Variants in SSBP3 observed in about 807,000 individuals in gnomAD.
SSBP3 encodes the protein single stranded DNA binding protein 3.
A neutral mutation model predicts 69.6 loss-of-function variants in SSBP3; 5 were observed. The observed-to-expected ratio is 0.07, with a 90% CI of 0.04 to 0.15. The LOEUF (loss-of-function observed/expected upper bound fraction) is 0.15, where lower values mean the gene tolerates loss of function less well. SSBP3 is among the 10% of genes least tolerant of loss of function. The probability of loss-of-function intolerance (pLI) is 1.00; values close to 1 mark genes in which losing one functional copy is unlikely to be tolerated. For missense variants in SSBP3, 312 were observed against 534.0 expected (o/e 0.58, Z 4.10); for synonymous variants, 196 against 193.4 (o/e 1.01, Z -0.11).
chr1:54,252,903 T>A lies in SSBP3; in HGVS notation c.508-1043A>T, dbSNP rs570036900. Among the ~76,000 whole-genome samples the A allele has an allele frequency of 1.6e-4, 24 of 152,330 alleles. No homozygotes were observed. In the South Asian group the frequency reaches 5.0e-3, roughly 32 times the overall value. ...CAGTGCTGATCAAAGGCTGGGCATCTGTGACAGGGGTCTGTCCTCAAGGGC... is the reference window on the plus strand; with the variant it reads ...CAGTGCTGATCAAAGGCTGGGCATCAGTGACAGGGGTCTGTCCTCAAGGGC... On this transcript the variant is annotated intron_variant, in intron 7 of 17. Coordinates refer to ENST00000610401, the Ensembl canonical transcript of SSBP3.
chr1:54,409,301 CCTT>C (rs1476138798), upstream of SSBP3, among the ~76,000 whole-genome samples: 1 of 152,138 alleles, frequency 6.6e-6, no homozygotes, highest in Non-Finnish European at 1.5e-5. Flanking sequence ...TGAAACCTGT[CCTT>C]CTGTCCCTCC....
chr1:54,404,050 G>A (rs1282196837), intron 3 of SSBP3, among the ~76,000 whole-genome samples: 1 of 152,036 alleles, frequency 6.6e-6, no homozygotes, highest in African/African-American at 2.4e-5. Context: ...CAGAGGAAAG[G>A]AAGGACCAGT....
chr1:54,233,889 C>T (rs1344250885), intron 14 of SSBP3, among the ~76,000 whole-genome samples: 3 of 152,164 alleles, frequency 2.0e-5, no homozygotes, highest in Non-Finnish European at 2.9e-5. Context: ...ATGACAATGG[C>T]GGCTTTGTGG....
intron 4 of SSBP3, among the ~76,000 whole-genome samples, chr1:54,358,539 A>G (rs1469631635): frequency 6.6e-6 from 1 of 152,230 alleles, no homozygotes. Context: ...CAGGGCTTCC[A>G]GCTGCTTGAC....
chr1:54,279,970 A>G (rs1424987690), intron 5 of SSBP3, among the ~76,000 whole-genome samples: 1 of 151,978 alleles, frequency 6.6e-6, no homozygotes, highest in Non-Finnish European at 1.5e-5. Flanking sequence ...TCACACACCT[A>G]TTTCTGGGGC....
intron 4 of SSBP3, among the ~76,000 whole-genome samples, chr1:54,339,363 C>T (rs1646566307): frequency 6.6e-6 from 1 of 152,204 alleles, no homozygotes; most frequent in Admixed American, 6.5e-5. Flanking sequence ...TGTGTCTATA[C>T]AGCTAATGGT....
intron 4 of SSBP3, among the ~76,000 whole-genome samples, chr1:54,329,705 A>G (rs531111870): frequency 6.6e-6 from 1 of 152,236 alleles, no homozygotes; most frequent in Non-Finnish European, 1.5e-5. Flanking sequence ...AAGTTACACA[A>G]TCACAGGCAG....
chr1:54,382,529 G>T (rs546084793), intron 4 of SSBP3, among the ~76,000 whole-genome samples: 1 of 152,328 alleles, frequency 6.6e-6, no homozygotes, highest in East Asian at 1.9e-4. Context: ...CAGATTAGAT[G>T]AATATCTGAT....
At chr1:54,289,034 A>C (rs1325554051) in intron 4 of SSBP3, among the ~76,000 whole-genome samples, 2 of 52,346 alleles carry the variant, frequency 3.8e-5, no homozygotes, top group Middle Eastern at 9.4e-3. Context: ...AAAAAAAAAA[A>C]AACAAAAAAA....
intron 4 of SSBP3, among the ~76,000 whole-genome samples, chr1:54,386,705 A>T (rs1181619161): frequency 2.5e-5 from 1 of 39,908 alleles, no homozygotes; most frequent in Non-Finnish European, 3.9e-5. Context: ...TTTTTTTTTT[A>T]AGAGATGGAG....
At chr1:54,328,241 T>A (rs1368397726) in intron 4 of SSBP3, among the ~76,000 whole-genome samples, 1 of 152,154 alleles carries the variant, frequency 6.6e-6, no homozygotes, top group Non-Finnish European at 1.5e-5. Context: ...TCGTCCAGTG[T>A]GTTCACAACA....
At chr1:54,257,504 C>T (rs989784149) in intron 6 of SSBP3, among the ~76,000 whole-genome samples, 3 of 151,968 alleles carry the variant, frequency 2.0e-5, no homozygotes, top group Non-Finnish European at 4.4e-5. Flanking sequence ...CCTCTGCTCT[C>T]GGTAAGGGCA....
chr1:54,321,670 G>C (rs1646216271), intron 4 of SSBP3, among the ~76,000 whole-genome samples: 1 of 152,238 alleles, frequency 6.6e-6, no homozygotes, highest in Admixed American at 6.5e-5. Context: ...TGCACGCACA[G>C]CTTCAGCTCA....
intron 5 of SSBP3, among the ~76,000 whole-genome samples, chr1:54,259,515 C>T (rs998363421): frequency 7.9e-5 from 12 of 152,242 alleles, no homozygotes; most frequent in African/African-American, 2.9e-4. Flanking sequence ...CCTCCATTCG[C>T]TCTTCCCCAC....
At chr1:54,356,445 G>C (rs375806191) in intron 4 of SSBP3, 2 of 151,930 alleles carry the variant, frequency 1.3e-5, no homozygotes, top group South Asian at 2.1e-4. Context: ...GAGCTGCAAA[G>C]GAGATGGGAA....
intron 4 of SSBP3, among the ~76,000 whole-genome samples, chr1:54,294,251 T>C (rs185577813): frequency 1.6e-4 from 24 of 151,584 alleles, no homozygotes; most frequent in Admixed American, 6.6e-5. Flanking sequence ...GGTCAAACTC[T>C]AAGACTAGCT....
intron 4 of SSBP3, among the ~76,000 whole-genome samples, chr1:54,297,202 T>C (rs1046237085): frequency 6.6e-6 from 1 of 152,108 alleles, no homozygotes; most frequent in East Asian, 1.9e-4. Context: ...CTGAATCAGG[T>C]CCTTTGGGTC....
intron 4 of SSBP3, among the ~76,000 whole-genome samples, chr1:54,361,707 C>A (rs1318870887): frequency 6.6e-6 from 1 of 152,052 alleles, no homozygotes; most frequent in African/African-American, 2.4e-5. Context: ...TGGTATCTAT[C>A]AACAGAGCAT....
chr1:54,392,183 G>A (rs1396237161), intron 4 of SSBP3, among the ~76,000 whole-genome samples: 1 of 152,124 alleles, frequency 6.6e-6, no homozygotes, highest in Non-Finnish European at 1.5e-5. Context: ...GGTACCAAGT[G>A]CCCGCCAGGC....
Sources: allele counts gnomAD v4.1 joint callset (sites outside exome capture counted in the v4.1 genomes callset), GRCh38; gene constraint gnomAD v4.1.1; transcripts MANE v1.5; gene names NCBI Gene and HGNC (gene_info 2026-07-23, HGNC 2026-07-21).